KAZN: variants seen among roughly 807,000 people sequenced by gnomAD.
KAZN encodes kazrin.
In KAZN, 40 loss-of-function variants were observed where a neutral mutation model predicts 87.4. The observed-to-expected ratio is 0.46, with a 90% CI of 0.36 to 0.60. The LOEUF (loss-of-function observed/expected upper bound fraction) is 0.60. KAZN is among the 20% of genes least tolerant of loss of function. The pLI is 0.00. For missense variants in KAZN, 898 were observed against 1,073.9 expected (o/e 0.84, Z 2.29); for synonymous variants, 466 against 458.3 (o/e 1.02, Z -0.22).
At chr1:15,044,237 C>T (rs1208772347) in intron 4 of KAZN, 78 bp downstream of exon 4, 2 of 900,500 alleles carry the variant, frequency 2.2e-6, no homozygotes, top group Non-Finnish European at 3.0e-6. Context: ...CTGGCACCGA[C>T]TCACATCGGA....
chr1:14,456,283 A>G (rs146508829), intron 2 of KAZN, among the ~76,000 whole-genome samples: 524 of 152,350 alleles, frequency 3.4e-3, no homozygotes, highest in African/African-American at 0.011. Context: ...CGTGATAATT[A>G]CATGTTCATT....
chr1:14,855,594 T>C (rs1455613093), intron 1 of KAZN, among the ~76,000 whole-genome samples: 2 of 152,020 alleles, frequency 1.3e-5, no homozygotes, highest in African/African-American at 2.4e-5. Context: ...ATGAGTGGGG[T>C]GAAATGTTAT....
Position 14,148,089 on chromosome 1 carries a change from C to T in KAZN, c.92-32346C>T, listed in dbSNP as rs569300123. On this transcript the variant is annotated intron_variant, in intron 1 of 16. Transcript: ENST00000636203. The stretch of plus-strand genomic sequence containing the variant: ...TTTAAAAATTAGCCGGGTGTGGTGG[C>T]GGGCACCTGTGGTCCCAGCAGATCA... Among the ~76,000 whole-genome samples the T allele has an allele frequency of 9.2e-5, 14 of 151,856 alleles. No homozygotes were observed. In the East Asian group the frequency reaches 1.4e-3, roughly 15 times the overall value.
At chr1:14,003,821 G>T (rs886405633) in intron 1 of KAZN, among the ~76,000 whole-genome samples, 2 of 152,100 alleles carry the variant, frequency 1.3e-5, no homozygotes, top group African/African-American at 4.8e-5. Flanking sequence ...AGTCAACATT[G>T]TTTTAAATGA....
At chr1:14,708,408 CTCT>C (rs1642321847) in intron 1 of KAZN, among the ~76,000 whole-genome samples, 1 of 152,232 alleles carries the variant, frequency 6.6e-6, no homozygotes, top group Admixed American at 6.5e-5. Context: ...AAATCCCAGT[CTCT>C]TCAGCACCTG....
At chr1:14,839,123 G>A (rs562834640) in intron 1 of KAZN, among the ~76,000 whole-genome samples, 15 of 152,234 alleles carry the variant, frequency 9.9e-5, no homozygotes, top group Middle Eastern at 3.4e-3. Flanking sequence ...CTGCCACTTC[G>A]GAGCACTAAC....
intron 1 of KAZN, among the ~76,000 whole-genome samples, chr1:14,906,346 A>G (rs1436266295): frequency 6.6e-6 from 1 of 152,112 alleles, no homozygotes; most frequent in Non-Finnish European, 1.5e-5. Context: ...TCTTGCCTGA[A>G]CAGGGTGACC....
chr1:14,061,831 G>A (rs954479909), intron 1 of KAZN, among the ~76,000 whole-genome samples: 4 of 152,144 alleles, frequency 2.6e-5, no homozygotes, highest in Admixed American at 2.6e-4. Context: ...AGTGGAGAAT[G>A]GGTGTGAGAG....
chr1:14,140,906 AGAT>A (rs1356718788), intron 1 of KAZN, among the ~76,000 whole-genome samples: 1 of 152,066 alleles, frequency 6.6e-6, no homozygotes. Flanking sequence ...GGCAGAGGAG[AGAT>A]GATGCTCACA....
chr1:15,095,061 A>C, intron 10 of KAZN, 128 bp downstream of exon 10: 1 of 676,360 alleles, frequency 1.5e-6, no homozygotes, highest in Admixed American at 2.3e-5. Context: ...GGTGTGACTA[A>C]GATGGTCCGG....
chr1:14,014,611 C>CA (rs1640476965), intron 1 of KAZN, among the ~76,000 whole-genome samples: 1 of 152,084 alleles, frequency 6.6e-6, no homozygotes, highest in South Asian at 2.1e-4. Flanking sequence ...GGAAAAAAAT[C>CA]AAAAGAAGAA....
chr1:14,127,790 T>C lies in KAZN; in HGVS notation c.92-52645T>C, dbSNP rs369868664. On this transcript the variant is annotated intron_variant, in intron 1 of 16. Transcript: ENST00000636203. ...CCCACACTGTGTGCCAGGCTTTGAG[T>C]TGGTGCTTTGAGTCGGTGCTAGGGA... Among the ~76,000 whole-genome samples the C allele has an allele frequency of 2.2e-4, 34 of 152,228 alleles. 1 individual carries two copies. Among genetic ancestry groups the C allele is most frequent in the African/African-American group, 8.2e-4 (34 of 41,520 alleles).
rs58279675 is a variant in KAZN at position 14,532,455 on chromosome 1, T to TTTA, written c.250-66499_250-66497dup. Among the ~76,000 whole-genome samples the TTTA allele has an allele frequency of 4.9e-3, 725 of 148,402 alleles. 6 individuals are homozygous for TTTA. The highest frequency in any genetic ancestry group is 0.013 in the African/African-American group (523 of 40,068). On this transcript the variant is annotated intron_variant, in intron 2 of 16. Transcript: ENST00000636203. ...CTTTCCTGGTCAAAAAACATGTGTT[T>TTTA]TTATTATTATTATTATTATTATTAT...
At chr1:14,909,031 A>G (rs1656927773) in intron 1 of KAZN, among the ~76,000 whole-genome samples, 1 of 152,044 alleles carries the variant, frequency 6.6e-6, no homozygotes, top group Non-Finnish European at 1.5e-5. Flanking sequence ...TGGTCCAGAT[A>G]CCGTCATCAT....
chr1:14,125,027 C>A (rs1644834223), intron 1 of KAZN, among the ~76,000 whole-genome samples: 1 of 152,084 alleles, frequency 6.6e-6, no homozygotes, highest in South Asian at 2.1e-4. Context: ...GGTGGTGAGG[C>A]CTCAGTAGCA....
chr1:14,930,106 A>G (rs1659638505), intron 1 of KAZN: 4 of 984,406 alleles, frequency 4.1e-6, no homozygotes, highest in Non-Finnish European at 4.8e-6. Context: ...TGGCCTAAGC[A>G]GCGGGGAGCT....
chr1:14,414,344 GAAAAAAA>G (rs5772578), intron 2 of KAZN, among the ~76,000 whole-genome samples: 1 of 107,844 alleles, frequency 9.3e-6, no homozygotes, highest in African/African-American at 3.7e-5. Flanking sequence ...TTTGTCATAG[GAAAAAAA>G]AAAAAAAAAA....
chr1:14,333,062 G>T (rs935849039), intron 2 of KAZN, among the ~76,000 whole-genome samples: 4 of 152,042 alleles, frequency 2.6e-5, no homozygotes, highest in African/African-American at 7.2e-5. Flanking sequence ...ACAGGCCCTG[G>T]TGTGTGATGT....
chr1:14,946,342 CTTT>C (rs61663690), intron 1 of KAZN, among the ~76,000 whole-genome samples: 4 of 136,886 alleles, frequency 2.9e-5, no homozygotes, highest in African/African-American at 1.1e-4. Flanking sequence ...TTAATTCTCT[CTTT>C]TTTTTTTTTT....
Sources: allele counts gnomAD v4.1 joint callset (sites outside exome capture counted in the v4.1 genomes callset), GRCh38; gene constraint gnomAD v4.1.1; transcripts MANE v1.5; gene names NCBI Gene and HGNC (gene_info 2026-07-23, HGNC 2026-07-21).